USP7: variants seen among roughly 807,000 people sequenced by gnomAD.
USP7 encodes the protein ubiquitin C-terminal hydrolase 7.
USP7 carries 9 observed loss-of-function variants against 162.9 expected under a neutral mutation model. The ratio of observed to expected loss-of-function variants is 0.06; its 90% CI spans 0.03 to 0.10. The LOEUF (loss-of-function observed/expected upper bound fraction) is 0.10, where lower values mean the gene tolerates loss of function less well. Among genes scored for constraint, USP7 ranks in the 10% least tolerant of loss-of-function variants. The pLI is 1.00. For missense variants in USP7, 715 were observed against 1,373.7 expected (o/e 0.52, Z 7.58); for synonymous variants, 562 against 475.9 (o/e 1.18, Z -2.35).
At chr16:8,903,497 AT>A (rs976747153) in intron 15 of USP7, 95 bp from the exon 16 acceptor site, 6 of 1,384,848 alleles carry the variant, frequency 4.3e-6, no homozygotes, top group Non-Finnish European at 5.7e-6. Context: ...CTGAAAACTC[AT>A]TTTTTGTTCC....
At position 8,936,538 on chromosome 16, in the gene USP7, C is replaced by CA. The variant is rs1372486543; in HGVS notation, c.80-6142dup. Reference sequence around the variant, plus strand: ...GAGACATGTCAGTATTGGTTATCTCCATCCATCACCAGCATAAGGAGCTCA... The same window carrying CA: ...GAGACATGTCAGTATTGGTTATCTCCAATCCATCACCAGCATAAGGAGCTCA... On this transcript the variant is annotated intron_variant, in intron 1 of 30. Coordinates refer to ENST00000344836, the MANE Select transcript of USP7 (RefSeq NM_003470.3). 8 of 1,492,958 alleles carry CA rather than the reference C, an allele frequency of 5.4e-6. No individual in the cohort carries two copies. The African/African-American group carries it at 1.1e-4, about 21-fold the overall frequency. 92.5% of individuals were successfully genotyped at this position (1,492,958 alleles called of 1,614,324 possible).
Position 8,920,388 on chromosome 16 carries a change from A to C in USP7, c.582T>G (p.Phe194Leu). 1.2e-6 allele frequency: 2 copies of C among 1,613,448 alleles called. No homozygotes were observed. The highest frequency in any genetic ancestry group is 1.7e-6 in the Non-Finnish European group (2 of 1,179,844). Residue 194 changes from phenylalanine (F) to leucine (L), a missense_variant, in exon 5 of 31, where the codon TTT becomes TTG. Physicochemically the swap from Phe to Leu is conservative, Grantham distance 22. Transcript: ENST00000344836. ...CTCCATGGGGAGCATCCGCCTGTAC[A>C]AAGACTTCAAAGGTAACTTTGTCAT... ...IDDDKVTFEVFVQADAPHGVA... is the reference protein window; with the variant it reads ...IDDDKVTFEVLVQADAPHGVA...
chr16:8,926,834 G>T (rs776494481), intron 2 of USP7, among the ~76,000 whole-genome samples: 3 of 152,096 alleles, frequency 2.0e-5, no homozygotes, highest in Admixed American at 1.3e-4. Context: ...CTACAAACTG[G>T]TGTCACCACA....
At chr16:8,928,325 G>A (rs1887984022) in intron 2 of USP7, among the ~76,000 whole-genome samples, 1 of 152,116 alleles carries the variant, frequency 6.6e-6, no homozygotes, top group South Asian at 2.1e-4. Context: ...AACACTCAAG[G>A]ACACAGGACA....
Position 8,963,194 on chromosome 16 carries a change from C to T in USP7, c.79+13G>A, listed in dbSNP as rs761300629. The T allele has an allele frequency of 2.8e-6, 4 of 1,410,534 alleles. No individual in the cohort carries two copies. In the South Asian group the frequency reaches 3.9e-5, roughly 14 times the overall value. 87.4% of individuals were successfully genotyped at this position (1,410,534 alleles called of 1,614,324 possible). A position where few individuals can be genotyped will look rare whatever the true frequency, so the allele number is the denominator to read the frequency against. On this transcript the variant is annotated intron_variant, in intron 1 of 30. Coordinates refer to ENST00000344836, the MANE Select transcript of USP7 (RefSeq NM_003470.3). ...GCCCCCCGGCCCCGCCGCGGCCGGC[C>T]CTCGGGCCTCACCTTCCATCTCCAT...
In USP7 at chr16:8,895,625, G is replaced by A. The variant is rs1164510363; in HGVS notation, c.2919+17C>T. 5 of 1,594,728 alleles carry A rather than the reference G, an allele frequency of 3.1e-6. No homozygotes were observed. In the Admixed American group the frequency reaches 5.1e-5, roughly 16 times the overall value. The stretch of plus-strand genomic sequence containing the variant: ...TCATGAATTCTCTCTGGTGCCAACA[G>A]TATCGGGGACAGATACCTCTATTCG... On this transcript the variant is annotated intron_variant, in intron 27 of 30. Transcript: ENST00000344836.
In USP7 at chr16:8,940,292, T is replaced by C. The variant is rs1194511553; in HGVS notation, c.80-9895A>G. ...CCTCTGCAAGTAGCTAACCATGCTTTGTCCAATGGCAAATGTCAACACTGT... is the reference window on the plus strand; with the variant it reads ...CCTCTGCAAGTAGCTAACCATGCTTCGTCCAATGGCAAATGTCAACACTGT... On this transcript the variant is annotated intron_variant, in intron 1 of 30. Coordinates refer to ENST00000344836, the MANE Select transcript of USP7 (RefSeq NM_003470.3). Among the ~76,000 whole-genome samples, 3 of 152,360 alleles carry C rather than the reference T, an allele frequency of 2.0e-5. No individual in the cohort carries two copies. In the East Asian group the frequency reaches 5.8e-4, roughly 29 times the overall value.
intron 1 of USP7, among the ~76,000 whole-genome samples, chr16:8,931,597 T>C (rs1292846987): frequency 6.6e-6 from 1 of 152,248 alleles, no homozygotes. Flanking sequence ...AAATGCATGC[T>C]AAATGCTTGG....
intron 1 of USP7, among the ~76,000 whole-genome samples, chr16:8,958,776 T>C (rs974650134): frequency 6.6e-6 from 1 of 152,234 alleles, no homozygotes; most frequent in African/African-American, 2.4e-5. Flanking sequence ...CAGTGGCGCA[T>C]GGCACCAAAT....
chr16:8,909,092 C>T (rs969058067), intron 11 of USP7, among the ~76,000 whole-genome samples: 2 of 152,222 alleles, frequency 1.3e-5, no homozygotes, highest in Non-Finnish European at 2.9e-5. Flanking sequence ...GGACAGGACA[C>T]CCCAACTTCT....
chr16:8,942,444 C>A (rs888480883), intron 1 of USP7, among the ~76,000 whole-genome samples: 1 of 152,212 alleles, frequency 6.6e-6, no homozygotes, highest in East Asian at 1.9e-4. Flanking sequence ...GTCTGACCAC[C>A]TGCACCTCAC....
intron 1 of USP7, among the ~76,000 whole-genome samples, chr16:8,951,075 G>C (rs1899525390): frequency 6.6e-6 from 1 of 152,160 alleles, no homozygotes; most frequent in South Asian, 2.1e-4. Flanking sequence ...AGATAAAAAA[G>C]CCATGTTTAT....
At chr16:8,922,130 A>T (rs944879714) in intron 3 of USP7, among the ~76,000 whole-genome samples, 38 of 152,366 alleles carry the variant, frequency 2.5e-4, no homozygotes, top group African/African-American at 8.9e-4. Flanking sequence ...ATGTGAACAG[A>T]AGAGGACAAC....
chr16:8,929,172 G>A (rs1348359093), intron 2 of USP7, among the ~76,000 whole-genome samples: 2 of 152,196 alleles, frequency 1.3e-5, no homozygotes, highest in Non-Finnish European at 2.9e-5. Context: ...GATCCCAAAC[G>A]CACACCTAGC....
chr16:8,913,291 G>T (rs1485686927), intron 10 of USP7, among the ~76,000 whole-genome samples: 1 of 152,212 alleles, frequency 6.6e-6, no homozygotes, highest in Non-Finnish European at 1.5e-5. Flanking sequence ...AGGAGGTGGA[G>T]GTTGCAGTGA....
intron 12 of USP7, among the ~76,000 whole-genome samples, chr16:8,907,834 T>C (rs1368894170): frequency 6.6e-6 from 1 of 152,046 alleles, no homozygotes; most frequent in East Asian, 1.9e-4. Flanking sequence ...TAAAACAAAG[T>C]AAATAAAAAT....
chr16:8,930,324 T>C lies in USP7; in HGVS notation c.153A>G (p.Gly51=). 1 of 1,613,702 alleles carries C rather than the reference T, an allele frequency of 6.2e-7. No individual in the cohort carries two copies. Among genetic ancestry groups the C allele is most frequent in the African/African-American group, 1.3e-5 (1 of 74,996 alleles). Residue 51 remains glycine, a synonymous_variant, in exon 2 of 31, where the codon GGA becomes GGG. Transcript: ENST00000344836. ...VINGNVALSD[G]HNTAEEDMED... is the part of the protein sequence containing the mutation. ...CCATGTCCTCCTCCGCGGTGTTGTGTCCATCACTCAGGGCCACATTCCCAT... is the reference window on the plus strand; with the variant it reads ...CCATGTCCTCCTCCGCGGTGTTGTGCCCATCACTCAGGGCCACATTCCCAT...
chr16:8,916,661 C>T, intron 7 of USP7, 105 bp from the exon 8 acceptor site: 1 of 1,124,870 alleles, frequency 8.9e-7, no homozygotes, highest in Non-Finnish European at 1.3e-6. Context: ...AGCTATTATT[C>T]TCAAATTCCT....
intron 2 of USP7, among the ~76,000 whole-genome samples, chr16:8,924,472 T>C (rs1017184979): frequency 2.7e-4 from 41 of 152,280 alleles, no homozygotes; most frequent in African/African-American, 9.6e-4. Flanking sequence ...AGGCAGTGCC[T>C]GGAAGGCTGT....
Sources: allele counts gnomAD v4.1 joint callset (sites outside exome capture counted in the v4.1 genomes callset), GRCh38; gene constraint gnomAD v4.1.1; transcripts MANE v1.5; gene names NCBI Gene and HGNC (gene_info 2026-07-23, HGNC 2026-07-21).